The following ZNF468 variants were observed in gnomAD, a reference collection of about 807,000 sequenced individuals.
ZNF468 encodes the protein zinc finger protein 468, also known as zinc finger protein ZNF468.
ZNF468 carries 8 observed loss-of-function variants against 7.2 expected under a neutral mutation model. That is an observed-to-expected ratio of 1.11 (90% CI 0.65 to 2.01). The LOEUF (loss-of-function observed/expected upper bound fraction) is 2.01, where lower values mean the gene tolerates loss of function less well. ZNF468 is among the 30% of genes most tolerant of loss of function. ZNF468 has a pLI of 0.00. For synonymous variants in ZNF468, 218 were observed against 214.4 expected (o/e 1.02, Z -0.15); for missense variants, 608 against 626.5 (o/e 0.97, Z 0.31).
In ZNF468 at chr19:52,850,934, C is replaced by T. The variant is rs867520944; in HGVS notation, c.16-1721G>A. Among the ~76,000 whole-genome samples, 28 of 149,650 alleles carry T rather than the reference C, an allele frequency of 1.9e-4. 1 individual carries two copies. The Middle Eastern group carries it at 0.014, about 74-fold the overall frequency. ...ATAATAATAAATATATATATATATA[C>T]ACACACACATCATGTGATGATAAAT... is the stretch of plus-strand genomic sequence containing the variant. On this transcript the variant is annotated intron_variant, in intron 2 of 3. Transcript: ENST00000595646.
Position 52,841,619 on chromosome 19 carries a change from A to G in ZNF468, c.675T>C (p.Asn225=), listed in dbSNP as rs754013523. The G allele has an allele frequency of 6.2e-7, 1 of 1,614,002 alleles. No homozygotes were observed. Among genetic ancestry groups the G allele is most frequent in the Non-Finnish European group, 8.5e-7 (1 of 1,179,988 alleles). The change falls in exon 4 of 4, where the codon AAT becomes AAC. Residue 225 remains asparagine (N), a synonymous_variant. Transcript: ENST00000595646. The part of the protein sequence containing the change: ...FECIQSFKSF[N]CSSLLKKHQI... ...GATGTTTTTTTAAGAGTGAGCTGCA[A>G]TTAAAGGATTTGAAGCTCTGTATAC...
intron 2 of ZNF468, among the ~76,000 whole-genome samples, chr19:52,853,418 A>G (rs991872340): frequency 5.3e-5 from 8 of 152,138 alleles, no homozygotes; most frequent in Non-Finnish European, 1.2e-4. Context: ...GCTGGGCATG[A>G]TGGCTTGCGC....
intron 3 of ZNF468, among the ~76,000 whole-genome samples, chr19:52,845,736 C>T (rs1218665235): frequency 2.0e-5 from 3 of 151,690 alleles, no homozygotes; most frequent in South Asian, 2.1e-4. Flanking sequence ...TAGGTGTGGT[C>T]GTTCATTCCT....
chr19:52,840,712 ACT>A lies in ZNF468; in HGVS notation c.*11_*12del, dbSNP rs776413657. 6.2e-7 allele frequency: 1 copy of A among 1,613,246 alleles called. No homozygotes were observed. Among genetic ancestry groups the A allele is most frequent in the South Asian group, 1.1e-5 (1 of 91,054 alleles). On this transcript the variant is annotated 3_prime_UTR_variant, in exon 4 of 4. Coordinates refer to ENST00000595646, the MANE Select transcript of ZNF468 (RefSeq NM_001008801.2). ...GAATTGTGATGGAAGGTCTTGCCAC[ACT>A]CATTACACTATTAAGGCTTCTCTCC...
At chr19:52,855,197 C>T (rs2063426607) in intron 1 of ZNF468, among the ~76,000 whole-genome samples, 1 of 145,332 alleles carries the variant, frequency 6.9e-6, no homozygotes, top group Non-Finnish European at 1.5e-5. Flanking sequence ...AAAAAAAGTG[C>T]ATTTCTGATG....
Position 52,839,590 on chromosome 19 carries a change from T to G in ZNF468, c.*1135A>C. On this transcript the variant is annotated 3_prime_UTR_variant, in exon 4 of 4. Transcript: ENST00000595646. Reference sequence around the variant, plus strand: ...TGGTCTGCAAGGAGTGACCTTGGACTGAAGACCCTTCCACACTGATGACAT... The same window carrying G: ...TGGTCTGCAAGGAGTGACCTTGGACGGAAGACCCTTCCACACTGATGACAT... The G allele has an allele frequency of 1.8e-6, 1 of 544,188 alleles. No homozygotes were observed. Among genetic ancestry groups the G allele is most frequent in the Non-Finnish European group, 3.7e-6 (1 of 267,782 alleles). The allele number at this position is 544,188 out of a possible 1,614,324, so 33.7% of individuals were successfully genotyped here. A position where few individuals can be genotyped will look rare whatever the true frequency, so the allele number is the denominator to read the frequency against.
chr19:52,852,310 G>A (rs1210919185), intron 2 of ZNF468, among the ~76,000 whole-genome samples: 3 of 152,036 alleles, frequency 2.0e-5, no homozygotes, highest in Non-Finnish European at 4.4e-5. Context: ...AGGTTTCAGT[G>A]AGCCGAGATC....
intron 3 of ZNF468, among the ~76,000 whole-genome samples, chr19:52,846,217 T>A (rs921175492): frequency 6.6e-6 from 1 of 152,090 alleles, no homozygotes; most frequent in African/African-American, 2.4e-5. Context: ...TTGCAGGTTA[T>A]GGATTTTTAT....
intron 2 of ZNF468, among the ~76,000 whole-genome samples, chr19:52,852,362 G>C (rs2063397203): frequency 6.6e-6 from 1 of 151,706 alleles, no homozygotes. Flanking sequence ...GCAAAACTCA[G>C]TCTCAAAAAA....
chr19:52,857,100 A>G (rs1238443353), intron 1 of ZNF468, among the ~76,000 whole-genome samples: 3 of 151,624 alleles, frequency 2.0e-5, no homozygotes, highest in Non-Finnish European at 4.4e-5. Flanking sequence ...AGCAGGGCCC[A>G]GCAAGAGGAG....
chr19:52,848,458 A>G (rs754284066), intron 3 of ZNF468, among the ~76,000 whole-genome samples: 3 of 152,310 alleles, frequency 2.0e-5, no homozygotes, highest in East Asian at 3.9e-4. Flanking sequence ...GTAATATGTA[A>G]TATGTGGACA....
chr19:52,842,692 T>A (rs1357526145), intron 3 of ZNF468, among the ~76,000 whole-genome samples: 2 of 151,602 alleles, frequency 1.3e-5, no homozygotes, highest in African/African-American at 2.4e-5. Context: ...GGCCAGCACC[T>A]GTACTCCCAG....
rs117431132 is a variant in ZNF468 at position 52,855,643 on chromosome 19, C to T, written c.-73-1298G>A. 6.7e-3 allele frequency among the ~76,000 whole-genome samples: 961 copies of T among 144,120 alleles called. 7 individuals carry two copies. Among genetic ancestry groups the T allele is most frequent in the African/African-American group, 0.023 (908 of 40,106 alleles). The allele number at this position is 144,120 out of a possible 152,430, so 94.5% of individuals were successfully genotyped here. A position where few individuals can be genotyped will look rare whatever the true frequency, so the allele number is the denominator to read the frequency against. On this transcript the variant is annotated intron_variant, in intron 1 of 3. Coordinates refer to ENST00000595646, the MANE Select transcript of ZNF468 (RefSeq NM_001008801.2). ...ATACAGACAAAGGCCTCCAAAGATC[C>T]TCTCTGTTTCTGAGTCTACCGCTCT...
intron 3 of ZNF468, among the ~76,000 whole-genome samples, chr19:52,848,188 T>C (rs922916923): frequency 3.9e-5 from 6 of 152,192 alleles, no homozygotes; most frequent in African/African-American, 1.4e-4. Context: ...ACACCTGTAA[T>C]ACATTCCCAC....
Position 52,856,577 on chromosome 19 carries a change from C to T in ZNF468, c.-74+995G>A, listed in dbSNP as rs191354203. 1.4e-4 allele frequency among the ~76,000 whole-genome samples: 20 copies of T among 147,366 alleles called. No individual in the cohort carries two copies. In the East Asian group the frequency reaches 3.2e-3, roughly 23 times the overall value. ...ATCCCCAGGTGTCCTCCCCGCTGTG[C>T]TTCTCCCTCTGTTCTCCTTGCCACC... On this transcript the variant is annotated intron_variant, in intron 1 of 3. Transcript: ENST00000595646.
intron 3 of ZNF468, 101 bp downstream of exon 3, chr19:52,848,986 G>A (rs999347037): frequency 5.5e-6 from 6 of 1,088,644 alleles, no homozygotes; most frequent in Non-Finnish European, 6.0e-6. Context: ...AAATCAATAT[G>A]GCTTCCATTT....
Position 52,840,438 on chromosome 19 carries a change from T to G in ZNF468, c.*287A>C. On this transcript the variant is annotated 3_prime_UTR_variant, in exon 4 of 4. Transcript: ENST00000595646. Reference sequence around the variant, plus strand: ...TCTAGTATGTTTTGCCAGATATGCATTATATGCAAAAACCTTGTCACAAAC... The same window carrying G: ...TCTAGTATGTTTTGCCAGATATGCAGTATATGCAAAAACCTTGTCACAAAC... The G allele has an allele frequency of 1.7e-6, 1 of 600,780 alleles. No homozygotes were observed. The highest frequency in any genetic ancestry group is 3.1e-4 in the Middle Eastern group (1 of 3,192). 37.2% of individuals were successfully genotyped at this position (600,780 alleles called of 1,614,324 possible).
intron 1 of ZNF468, among the ~76,000 whole-genome samples, 182 bp from the exon 2 acceptor site, chr19:52,854,527 C>T (rs771273829): frequency 4.6e-5 from 7 of 152,076 alleles, no homozygotes; most frequent in African/African-American, 7.3e-5. Flanking sequence ...CCCACACACA[C>T]GCTGCAGCAG....
chr19:52,854,746 C>T (rs887834437), intron 1 of ZNF468, among the ~76,000 whole-genome samples: 3 of 151,766 alleles, frequency 2.0e-5, no homozygotes, highest in Admixed American at 6.6e-5. Context: ...AAAATTGGGC[C>T]GGGCACATTG....
Sources: allele counts gnomAD v4.1 joint callset (sites outside exome capture counted in the v4.1 genomes callset), GRCh38; gene constraint gnomAD v4.1.1; transcripts MANE v1.5; gene names NCBI Gene and HGNC (gene_info 2026-07-23, HGNC 2026-07-21).